PROX1: variants seen among roughly 807,000 people sequenced by gnomAD.
PROX1 encodes prospero homeobox protein 1.
PROX1 carries 7 observed loss-of-function variants against 58.8 expected under a neutral mutation model. The observed-to-expected ratio is 0.12, with a 90% confidence interval of 0.07 to 0.22. PROX1 has a LOEUF of 0.22. Among genes scored for constraint, PROX1 ranks in the 10% least tolerant of loss-of-function variants. PROX1 has a pLI of 1.00. For synonymous variants in PROX1, 350 were observed against 358.3 expected (o/e 0.98, Z 0.26); for missense variants, 675 against 927.8 (o/e 0.73, Z 3.54).
At chr1:214,030,810 T>A (rs1664622775) in intron 4 of PROX1, 1 of 152,282 alleles carries the variant, frequency 6.6e-6, no homozygotes, top group Admixed American at 6.5e-5. Flanking sequence ...TGGTATGTCC[T>A]GACACTTATG....
chr1:214,008,873 A>G (rs1663811770), intron 3 of PROX1, among the ~76,000 whole-genome samples: 1 of 152,166 alleles, frequency 6.6e-6, no homozygotes, highest in Non-Finnish European at 1.5e-5. Context: ...ATTTAGCCAA[A>G]CAAAAAGCTC....
chr1:213,992,684 C>A (rs1158184881), intron 1 of PROX1, among the ~76,000 whole-genome samples: 1 of 152,088 alleles, frequency 6.6e-6, no homozygotes, highest in African/African-American at 2.4e-5. Flanking sequence ...AAGCAGGAAA[C>A]CATGCCAACC....
chr1:213,990,037 A>T (rs1053028404), intron 1 of PROX1, among the ~76,000 whole-genome samples: 3 of 151,316 alleles, frequency 2.0e-5, no homozygotes, highest in Non-Finnish European at 2.9e-5. Context: ...CCTTGAGCTT[A>T]TAAAAACAGA....
intron 1 of PROX1, among the ~76,000 whole-genome samples, chr1:213,993,618 C>T (rs866915099): frequency 3.9e-5 from 6 of 152,092 alleles, no homozygotes; most frequent in Middle Eastern, 6.8e-3. Context: ...CTGTGTCAAC[C>T]GGTTATTATT....
chr1:213,991,372 C>T (rs557539168), intron 1 of PROX1, among the ~76,000 whole-genome samples: 4 of 152,234 alleles, frequency 2.6e-5, no homozygotes, highest in South Asian at 2.1e-4. Context: ...AAAATGAGAT[C>T]GTATGTGTCA....
intron 4 of PROX1, among the ~76,000 whole-genome samples, chr1:214,014,352 G>C (rs1664021069): frequency 1.3e-5 from 2 of 152,204 alleles, no homozygotes; most frequent in African/African-American, 4.8e-5. Context: ...GGAGAACTGT[G>C]CTACAAACAG....
At chr1:214,023,896 AAAC>A (rs1196349378) in intron 4 of PROX1, among the ~76,000 whole-genome samples, 1 of 152,224 alleles carries the variant, frequency 6.6e-6, no homozygotes, top group African/African-American at 2.4e-5. Context: ...GTAGAGGTGA[AAAC>A]AGAGAAATGA....
chr1:214,000,381 G>C (rs1663457463), intron 2 of PROX1, among the ~76,000 whole-genome samples: 1 of 152,150 alleles, frequency 6.6e-6, no homozygotes, highest in Non-Finnish European at 1.5e-5. Context: ...CTTTTATTTT[G>C]ATACATATCA....
chr1:213,998,555 ATCT>A (rs1412147062), intron 2 of PROX1, among the ~76,000 whole-genome samples: 2 of 152,088 alleles, frequency 1.3e-5, no homozygotes, highest in African/African-American at 4.8e-5. Flanking sequence ...TTCCTGCATT[ATCT>A]TCTTATCCCT....
intron 4 of PROX1, among the ~76,000 whole-genome samples, chr1:214,035,392 A>G (rs1390891416): frequency 6.6e-6 from 1 of 152,228 alleles, no homozygotes; most frequent in African/African-American, 2.4e-5. Flanking sequence ...AATATCCACA[A>G]TGAAATCCCA....
chr1:214,026,317 C>G (rs866159105), intron 4 of PROX1, among the ~76,000 whole-genome samples: 1 of 152,124 alleles, frequency 6.6e-6, no homozygotes, highest in African/African-American at 2.4e-5. Context: ...ACTTAAAGCA[C>G]GTTCACTGAC....
At chr1:214,016,089 T>C (rs1009041991) in intron 4 of PROX1, among the ~76,000 whole-genome samples, 4 of 152,118 alleles carry the variant, frequency 2.6e-5, no homozygotes, top group Non-Finnish European at 5.9e-5. Context: ...AGACTGTGGG[T>C]TTGACATTTT....
Position 214,035,853 on chromosome 1 carries a change from T to G in PROX1, c.*19T>G. On this transcript the variant is annotated 3_prime_UTR_variant, in exon 5 of 5. Coordinates refer to ENST00000366958, the MANE Select transcript of PROX1 (RefSeq NM_001270616.2). ...TGAGTAGAAATTTCAACAACTCTTT[T>G]TGAATGTATGAAGAGTAGCAGTCCC... 6.2e-7 allele frequency: 1 copy of G among 1,600,252 alleles called. No homozygotes were observed.
intron 1 of PROX1, chr1:213,989,638 G>A (rs1400508413): frequency 6.6e-6 from 1 of 152,574 alleles, no homozygotes. Context: ...AGCAGATCAG[G>A]AGGGGGACGC....
intron 2 of PROX1, among the ~76,000 whole-genome samples, chr1:213,999,732 C>T (rs1268894118): frequency 2.6e-5 from 4 of 152,094 alleles, no homozygotes; most frequent in East Asian, 3.8e-4. Flanking sequence ...TCACTTGGAC[C>T]TTTTGAAGAT....
rs1413599463 is a variant in PROX1 at position 214,036,327 on chromosome 1, C to CTCAA, written c.*497_*500dup. 4 of 152,326 alleles carry CTCAA rather than the reference C, an allele frequency of 2.6e-5. No individual in the cohort carries two copies. Among genetic ancestry groups the CTCAA allele is most frequent in the Non-Finnish European group, 2.9e-5 (2 of 68,068 alleles). 9.4% of individuals were successfully genotyped at this position (152,326 alleles called of 1,614,324 possible). A position where few individuals can be genotyped will look rare whatever the true frequency, so the allele number is the denominator to read the frequency against. ...ATTTAAGTATTTTGTTTGGTTTGAA[C>CTCAA]TCAATCAGTAGCTTTTCCTTACATG... On this transcript the variant is annotated 3_prime_UTR_variant, in exon 5 of 5. Transcript: ENST00000366958.
chr1:214,021,983 T>G (rs369896650), intron 4 of PROX1, among the ~76,000 whole-genome samples: 2 of 152,218 alleles, frequency 1.3e-5, no homozygotes, highest in African/African-American at 4.8e-5. Flanking sequence ...AAGCTCCAGT[T>G]TCTGCTTTAT....
Position 214,036,636 on chromosome 1 carries a change from T to C in PROX1, c.*802T>C, listed in dbSNP as rs1433259867. Reference sequence around the variant, plus strand: ...CATCATTCTTCATAAAGAAAAATCCTATAACTTGTTATCATTTTTGCTTCA... The same window carrying C: ...CATCATTCTTCATAAAGAAAAATCCCATAACTTGTTATCATTTTTGCTTCA... On this transcript the variant is annotated 3_prime_UTR_variant, in exon 5 of 5. Transcript: ENST00000366958. 1 of 152,224 alleles carries C rather than the reference T, an allele frequency of 6.6e-6. No individual in the cohort carries two copies. Among genetic ancestry groups the C allele is most frequent in the East Asian group, 1.9e-4 (1 of 5,202 alleles). The allele number at this position is 152,224 out of a possible 1,614,324, so 9.4% of individuals were successfully genotyped here.
intron 1 of PROX1, among the ~76,000 whole-genome samples, chr1:213,994,070 T>A (rs1571798076): frequency 6.6e-6 from 1 of 152,108 alleles, no homozygotes; most frequent in Non-Finnish European, 1.5e-5. Flanking sequence ...CTAGGCTAGA[T>A]GAGAGGAAGT....
Sources: allele counts gnomAD v4.1 joint callset (sites outside exome capture counted in the v4.1 genomes callset), GRCh38; gene constraint gnomAD v4.1.1; transcripts MANE v1.5; gene names NCBI Gene and HGNC (gene_info 2026-07-23, HGNC 2026-07-21).